The following ESRRG variants were observed in gnomAD, a reference collection of about 807,000 sequenced individuals.
The protein encoded by ESRRG is estrogen related receptor gamma, also known as estrogen-related receptor gamma.
Under a neutral mutation model 44.0 loss-of-function variants are expected in ESRRG, and 13 were observed. The ratio of observed to expected loss-of-function variants is 0.30; its 90% CI spans 0.19 to 0.47. The LOEUF (loss-of-function observed/expected upper bound fraction) is 0.47, where lower values mean the gene tolerates loss of function less well. ESRRG is among the 20% of genes least tolerant of loss of function. ESRRG has a pLI of 1.00. For synonymous variants in ESRRG, 215 were observed against 214.6 expected (o/e 1.00, Z -0.02); for missense variants, 395 against 580.6 (o/e 0.68, Z 3.29).
In ESRRG at chr1:217,042,473, AACACACAC is replaced by A. The variant is rs140559927; in HGVS notation, c.-106+47026_-106+47033del. Among the ~76,000 whole-genome samples, 1,147 of 139,062 alleles carry A rather than the reference AACACACAC, an allele frequency of 8.2e-3. 7 individuals are homozygous for A. The highest frequency in any genetic ancestry group is 0.046 in the East Asian group (191 of 4,164). 91.2% of individuals were successfully genotyped at this position (139,062 alleles called of 152,430 possible). A position where few individuals can be genotyped will look rare whatever the true frequency, so the allele number is the denominator to read the frequency against. On this transcript the variant is annotated intron_variant, in intron 1 of 7. Transcript: ENST00000359162. ...AAATGCACACACACATACACACACA[AACACACAC>A]ACACACACACACACACACACACACA...
At chr1:216,983,486 C>T (rs1305389350) in intron 1 of ESRRG, among the ~76,000 whole-genome samples, 1 of 152,056 alleles carries the variant, frequency 6.6e-6, no homozygotes, top group Non-Finnish European at 1.5e-5. Context: ...CCCATCTTGG[C>T]CTCTCAAAGT....
At chr1:216,827,756 T>G (rs1361666734) in intron 2 of ESRRG, among the ~76,000 whole-genome samples, 1 of 152,178 alleles carries the variant, frequency 6.6e-6, no homozygotes, top group Admixed American at 6.5e-5. Context: ...AAATAAAAGC[T>G]AGTCACTCAC....
chr1:217,015,022 A>G (rs1176139680), intron 1 of ESRRG, among the ~76,000 whole-genome samples: 2 of 152,164 alleles, frequency 1.3e-5, no homozygotes, highest in Non-Finnish European at 2.9e-5. Context: ...CAGAAACCCC[A>G]TTGAACAATC....
intron 1 of ESRRG, among the ~76,000 whole-genome samples, chr1:217,097,230 A>G (rs894197028): frequency 1.5e-4 from 23 of 152,104 alleles, no homozygotes; most frequent in African/African-American, 4.1e-4. Context: ...CCTTCAACCC[A>G]TGAGGATGAG....
chr1:216,740,887 T>C (rs2090597242), intron 2 of ESRRG, among the ~76,000 whole-genome samples: 1 of 110,356 alleles, frequency 9.1e-6, no homozygotes, highest in African/African-American at 2.9e-5. Flanking sequence ...GTCACATTTA[T>C]CAAAATGGGA....
intron 1 of ESRRG, chr1:216,939,793 C>T (rs559824875): frequency 6.6e-6 from 1 of 151,652 alleles, no homozygotes; most frequent in Non-Finnish European, 1.5e-5. Flanking sequence ...TAGAGTTAAG[C>T]ACACATTAAT....
intron 2 of ESRRG, among the ~76,000 whole-genome samples, chr1:216,873,391 T>C (rs1484982816): frequency 6.6e-6 from 1 of 151,912 alleles, no homozygotes; most frequent in Non-Finnish European, 1.5e-5. Context: ...TTTGTATTTT[T>C]AGTAGAGATG....
At chr1:216,922,967 C>CT (rs1315854422) in intron 2 of ESRRG, among the ~76,000 whole-genome samples, 2 of 152,058 alleles carry the variant, frequency 1.3e-5, no homozygotes, top group Non-Finnish European at 2.9e-5. Context: ...ATAACTATGC[C>CT]CTAAGTCTTT....
intron 6 of ESRRG, among the ~76,000 whole-genome samples, chr1:216,511,509 A>G (rs2042696880): frequency 6.7e-6 from 1 of 148,240 alleles, no homozygotes; most frequent in Admixed American, 6.7e-5. Context: ...ATTTACAGAA[A>G]AACTAGGTGA....
chr1:217,057,112 T>C (rs527658475), intron 1 of ESRRG, among the ~76,000 whole-genome samples: 1 of 152,234 alleles, frequency 6.6e-6, no homozygotes, highest in Non-Finnish European at 1.5e-5. Context: ...AGTGAGAAAC[T>C]ACTGAGAGTG....
intron 1 of ESRRG, among the ~76,000 whole-genome samples, chr1:216,683,526 T>C (rs937255874): frequency 2.0e-5 from 3 of 152,196 alleles, no homozygotes; most frequent in African/African-American, 7.2e-5. Context: ...CCCTCAAAGC[T>C]GGTGCCTGAG....
intron 1 of ESRRG, among the ~76,000 whole-genome samples, chr1:217,117,411 C>T (rs78111241): frequency 0.04 from 6,029 of 152,000 alleles, 167 homozygotes; most frequent in African/African-American, 0.07. Context: ...CAGTAAGACC[C>T]CATCTCTACA....
chr1:216,611,720 A>G (rs994594703), intron 3 of ESRRG, among the ~76,000 whole-genome samples: 1 of 151,990 alleles, frequency 6.6e-6, no homozygotes, highest in Non-Finnish European at 1.5e-5. Context: ...GACTCTAATA[A>G]CTCACTGTCA....
At chr1:216,737,660 T>C (rs1323005636) in intron 2 of ESRRG, among the ~76,000 whole-genome samples, 2 of 152,152 alleles carry the variant, frequency 1.3e-5, no homozygotes, top group African/African-American at 4.8e-5. Context: ...TAAACTTTGA[T>C]ATCAGATGGC....
intron 2 of ESRRG, among the ~76,000 whole-genome samples, chr1:216,915,245 A>T (rs2061000747): frequency 6.6e-6 from 1 of 152,178 alleles, no homozygotes; most frequent in African/African-American, 2.4e-5. Flanking sequence ...AACTTGAAGA[A>T]GACAAAGAAG....
rs942183084 is a variant in ESRRG at position 217,050,391 on chromosome 1, G to A, written c.-106+39116C>T. Among the ~76,000 whole-genome samples the A allele has an allele frequency of 3.3e-5, 5 of 152,188 alleles. No homozygotes were observed. In the East Asian group the frequency reaches 7.7e-4, roughly 24 times the overall value. ...TTAGATGGGATAGACCACATAACCT[G>A]TGCAGCTTTATCATCTGAGGTCTTA... is the stretch of plus-strand genomic sequence containing the variant. On this transcript the variant is annotated intron_variant, in intron 1 of 7. Transcript: ENST00000359162.
At chr1:217,045,835 C>T (rs1448439149) in intron 1 of ESRRG, among the ~76,000 whole-genome samples, 2 of 152,126 alleles carry the variant, frequency 1.3e-5, no homozygotes, top group Non-Finnish European at 2.9e-5. Flanking sequence ...GGCACACTGT[C>T]CTTTGCTGCT....
chr1:216,636,537 T>C (rs1419243), intron 3 of ESRRG, among the ~76,000 whole-genome samples: 124,667 of 152,198 alleles, frequency 0.82, 51,305 homozygotes, highest in African/African-American at 0.86. Context: ...AGCTATTTTC[T>C]AATGTGCAAA....
chr1:216,678,344 G>A (rs1309227240), intron 1 of ESRRG, among the ~76,000 whole-genome samples: 2 of 152,154 alleles, frequency 1.3e-5, no homozygotes, highest in Non-Finnish European at 2.9e-5. Context: ...CAGTATACCT[G>A]TAAGTCCACA....
Sources: gnomAD v4.1 joint callset for allele counts (sites outside exome capture counted in the v4.1 genomes callset) on GRCh38, gnomAD v4.1.1 for gene constraint, MANE v1.5 for transcripts, NCBI Gene and HGNC (gene_info 2026-07-23, HGNC 2026-07-21) for gene names.